ISY1: variants seen among roughly 807,000 people sequenced by gnomAD.
ISY1 encodes the protein ISY1 spliceosome associated protein.
A neutral mutation model predicts 54.4 loss-of-function variants in ISY1; 12 were observed. The observed-to-expected ratio is 0.22, with a 90% CI of 0.14 to 0.36. The LOEUF is 0.36. Among genes scored for constraint, ISY1 ranks in the 10% least tolerant of loss-of-function variants. ISY1 has a pLI of 1.00. For synonymous variants in ISY1, 96 were observed against 117.9 expected (o/e 0.81, Z 1.20); for missense variants, 282 against 342.2 (o/e 0.82, Z 1.39).
intron 7 of ISY1, among the ~76,000 whole-genome samples, 159 bp from the exon 8 acceptor site, chr3:129,135,113 C>T (rs1386320740): frequency 2.6e-5 from 4 of 152,170 alleles, no homozygotes; most frequent in Non-Finnish European, 5.9e-5. Context: ...CTTTGGGAGG[C>T]CCAGACAGGT....
intron 8 of ISY1, 103 bp downstream of exon 8, chr3:129,134,728 GA>G (rs1936339834): frequency 2.1e-6 from 3 of 1,420,494 alleles, no homozygotes; most frequent in East Asian, 5.6e-5. Flanking sequence ...TAGCAACAAA[GA>G]AAACTCCCTT....
intron 7 of ISY1, among the ~76,000 whole-genome samples, chr3:129,135,506 C>T (rs982133297): frequency 2.6e-5 from 4 of 151,906 alleles, no homozygotes; most frequent in African/African-American, 4.8e-5. Flanking sequence ...TGACTCATGC[C>T]TGTAATCCCA....
chr3:129,149,742 T>C (rs1456993156), intron 5 of ISY1, among the ~76,000 whole-genome samples: 3 of 121,232 alleles, frequency 2.5e-5, no homozygotes, highest in African/African-American at 9.7e-5. Flanking sequence ...TGAGCCAAGA[T>C]CGTACCACTG....
intron 7 of ISY1, 73 bp from the exon 8 acceptor site, chr3:129,135,027 C>T (rs187858283): frequency 1.2e-5 from 18 of 1,512,258 alleles, no homozygotes; most frequent in East Asian, 2.5e-5. Flanking sequence ...CCTGATGCAA[C>T]GCTATACACA....
chr3:129,134,026 G>A, intron 9 of ISY1, 48 bp downstream of exon 9: 2 of 1,610,252 alleles, frequency 1.2e-6, no homozygotes, highest in Non-Finnish European at 8.5e-7. Context: ...CACACTTCAT[G>A]GCTTGGAACA....
intron 5 of ISY1, among the ~76,000 whole-genome samples, chr3:129,151,663 A>G (rs530394517): frequency 6.6e-6 from 1 of 152,188 alleles, no homozygotes; most frequent in South Asian, 2.1e-4. Context: ...TTTCTATGTT[A>G]CAATAAAGAC....
At chr3:129,134,674 C>CACAGGGGTCAGGGAATT (rs1284360030) in intron 8 of ISY1, among the ~76,000 whole-genome samples, 158 bp downstream of exon 8, 10 of 152,290 alleles carry the variant, frequency 6.6e-5, no homozygotes, top group Middle Eastern at 3.4e-3. Flanking sequence ...TTGACTGCCT[C>CACAGGGGTCAGGGAATT]ACAGGGGTCA....
chr3:129,153,790 C>T (rs1209702187), intron 5 of ISY1, among the ~76,000 whole-genome samples: 2 of 151,390 alleles, frequency 1.3e-5, no homozygotes, highest in Non-Finnish European at 3.0e-5. Flanking sequence ...TGTCTCAAAA[C>T]AAAACAAAAC....
chr3:129,139,226 C>T (rs572790572), intron 7 of ISY1, among the ~76,000 whole-genome samples: 62 of 151,990 alleles, frequency 4.1e-4, no homozygotes, highest in Admixed American at 3.0e-3. Context: ...TGAGCCACTG[C>T]GCCTGGCTAT....
At position 129,158,594 on chromosome 3, in the gene ISY1, G is replaced by C; in HGVS notation, c.27-35C>G. 3 of 1,613,546 alleles carry C rather than the reference G, an allele frequency of 1.9e-6. 1 individual carries two copies. Among genetic ancestry groups the C allele is most frequent in the Middle Eastern group, 3.3e-4 (2 of 6,058 alleles). Reference sequence around the variant, plus strand: ...ATATAAAAGATAAAAGACTCCATTAGATCCTGCTCATACAGACTTCTCATT... The same window carrying C: ...ATATAAAAGATAAAAGACTCCATTACATCCTGCTCATACAGACTTCTCATT... On this transcript the variant is annotated intron_variant, in intron 2 of 10. Coordinates refer to ENST00000393295, the MANE Select transcript of ISY1 (RefSeq NM_020701.4).
chr3:129,140,512 T>C (rs759258369), intron 6 of ISY1, 27 bp from the exon 7 acceptor site: 2 of 1,583,152 alleles, frequency 1.3e-6, no homozygotes, highest in South Asian at 1.2e-5. Context: ...AAAGAGAAAA[T>C]GGATCTGTTA....
chr3:129,157,175 C>G (rs1312369065), intron 3 of ISY1, among the ~76,000 whole-genome samples: 1 of 152,026 alleles, frequency 6.6e-6, no homozygotes, highest in Non-Finnish European at 1.5e-5. Flanking sequence ...TAGGTTATAG[C>G]TATTTCATGG....
intron 5 of ISY1, among the ~76,000 whole-genome samples, chr3:129,147,333 C>A (rs971530800): frequency 6.6e-6 from 1 of 151,920 alleles, no homozygotes; most frequent in Non-Finnish European, 1.5e-5. Flanking sequence ...GCCAAGATCA[C>A]GCCAGGGCAC....
At chr3:129,134,752 A>C in intron 8 of ISY1, 80 bp downstream of exon 8, 2 of 1,491,172 alleles carry the variant, frequency 1.3e-6, no homozygotes, top group South Asian at 1.2e-5. Context: ...GGCATAAAGC[A>C]CTATTGAAAA....
chr3:129,137,447 C>G (rs1056941323), intron 7 of ISY1, among the ~76,000 whole-genome samples: 1 of 151,968 alleles, frequency 6.6e-6, no homozygotes, highest in African/African-American at 2.4e-5. Flanking sequence ...CTGGAATAAG[C>G]AAAAATATAT....
chr3:129,153,232 A>C (rs945931531), intron 5 of ISY1, among the ~76,000 whole-genome samples: 1 of 150,776 alleles, frequency 6.6e-6, no homozygotes, highest in African/African-American at 2.4e-5. Flanking sequence ...CTGGTCTTGA[A>C]CTCCTAACCT....
chr3:129,130,321 G>T, intron 10 of ISY1, 133 bp from the exon 11 acceptor site: 2 of 1,313,470 alleles, frequency 1.5e-6, no homozygotes, highest in Non-Finnish European at 2.0e-6. Flanking sequence ...TAGTCTCCAA[G>T]AGTCCTAACT....
intron 7 of ISY1, among the ~76,000 whole-genome samples, chr3:129,135,278 A>G (rs1936357474): frequency 2.0e-5 from 3 of 152,046 alleles, no homozygotes; most frequent in Admixed American, 2.0e-4. Context: ...TAGGAGGCAG[A>G]GTTTGCAGTG....
rs2107602823 is a variant in ISY1 at position 129,136,128 on chromosome 3, G to A, written c.419-1174C>T. Among the ~76,000 whole-genome samples the A allele has an allele frequency of 1.3e-5, 2 of 151,526 alleles. 1 individual carries two copies. Among genetic ancestry groups the A allele is most frequent in the South Asian group, 4.2e-4 (2 of 4,812 alleles). On this transcript the variant is annotated intron_variant, in intron 7 of 10. Transcript: ENST00000393295. ...GTAATTCTTTTTTTTTTTTGAGATG[G>A]AATTTCGCTCTTGTCCAGGCTGGAG...
Sources: allele counts gnomAD v4.1 joint callset (sites outside exome capture counted in the v4.1 genomes callset), GRCh38; gene constraint gnomAD v4.1.1; transcripts MANE v1.5; gene names NCBI Gene and HGNC (gene_info 2026-07-23, HGNC 2026-07-21).